The following USP6NL variants were observed in gnomAD, a reference collection of about 807,000 sequenced individuals.
USP6NL encodes USP6 N-terminal-like protein.
Under a neutral mutation model 61.9 loss-of-function variants are expected in USP6NL, and 26 were observed. That is an observed-to-expected ratio of 0.42 (90% confidence interval 0.31 to 0.58). The LOEUF (loss-of-function observed/expected upper bound fraction) is 0.58. Ranked by LOEUF, USP6NL falls within the 20% of genes least tolerant of loss-of-function variation. The probability of loss-of-function intolerance (pLI) is 0.16; values close to 1 mark genes in which losing one functional copy is unlikely to be tolerated. For synonymous variants in USP6NL, 432 were observed against 390.1 expected, an observed-to-expected ratio of 1.11 and a Z score of -1.27; for missense variants, 1,114 against 1,034.3, an observed-to-expected ratio of 1.08 and a Z score of -1.06.
Position 11,468,602 on chromosome 10 carries a change from A to G in USP6NL, c.1079-4753T>C, listed in dbSNP as rs1001433682. On this transcript the variant is annotated intron_variant, in intron 14 of 14. Transcript: ENST00000609104. The surrounding 1 kb of genome is among the most constrained non-coding windows in gnomAD (Gnocchi z 4.5). ...CAGCAGCAAGATGGTTTCATAAAAC[A>G]CCAGTGTGGTGCAGGAAACAATAAA... 2.6e-5 allele frequency among the ~76,000 whole-genome samples: 4 copies of G among 152,218 alleles called. No individual in the cohort carries two copies. The highest frequency in any genetic ancestry group is 5.9e-5 in the Non-Finnish European group (4 of 68,044).
rs1315522148 is a variant in USP6NL at position 11,463,732 on chromosome 10, G to A, written c.1196C>T (p.Ala399Val). The change falls in exon 15 of 15, where the codon GCC becomes GTC. Residue 399 changes from alanine to valine, a missense_variant. Physicochemically the swap from Ala to Val is moderately conservative, Grantham distance 64 (BLOSUM62 0). Coordinates refer to ENST00000609104, the MANE Select transcript of USP6NL (RefSeq NM_014688.5). The surrounding 1 kb of genome is among the most constrained non-coding windows in gnomAD (Gnocchi z 6.3). ...QRSVGRPSPL[A>V]SGRRESGAPH... ...CGCCCCGCTCTCCCTCCTGCCGCTG[G>A]CCAGCGGGCTCGGCCGGCCCACGCT... 1.2e-6 allele frequency: 2 copies of A among 1,606,436 alleles called. No homozygotes were observed. Among genetic ancestry groups the A allele is most frequent in the Admixed American group, 1.7e-5 (1 of 59,182 alleles).
rs1838003668 is a variant in USP6NL, at chr10:11,587,218, T to C, written c.4+10413A>G. Among the ~76,000 whole-genome samples, 1 of 152,216 alleles carries C rather than the reference T, an allele frequency of 6.6e-6. No homozygotes were observed. Among genetic ancestry groups the C allele is most frequent in the Non-Finnish European group, 1.5e-5 (1 of 68,034 alleles). ...GTTTATACTAAAATTAAAACAATTA[T>C]TATTTATTCAAAATTACAATTCTCT... On this transcript the variant is annotated intron_variant, in intron 2 of 14. Coordinates refer to ENST00000609104, the MANE Select transcript of USP6NL (RefSeq NM_014688.5). This position sits in a 1 kb window ranked among gnomAD's most constrained non-coding sequence, Gnocchi z 4.5.
At chr10:11,542,844 C>A (rs1168840211) in intron 2 of USP6NL, among the ~76,000 whole-genome samples, 1 of 152,192 alleles carries the variant, frequency 6.6e-6, no homozygotes, top group East Asian at 1.9e-4. Flanking sequence ...TGAACAGCAG[C>A]AGCTGCGTCG....
At chr10:11,472,379 C>A (rs1006664678) in intron 14 of USP6NL, among the ~76,000 whole-genome samples, 2 of 152,224 alleles carry the variant, frequency 1.3e-5, no homozygotes, top group African/African-American at 2.4e-5. Context: ...CATCAACGGC[C>A]TCTGAGGCCT....
At chr10:11,512,791 T>C (rs1834779332) in intron 5 of USP6NL, among the ~76,000 whole-genome samples, 1 of 152,218 alleles carries the variant, frequency 6.6e-6, no homozygotes, top group South Asian at 2.1e-4. Flanking sequence ...GCCTGGAACC[T>C]TTCCCAGATC....
At chr10:11,583,176 T>C (rs7917332) in intron 2 of USP6NL, among the ~76,000 whole-genome samples, 34,484 of 149,774 alleles carry the variant, frequency 0.23, 4,566 homozygotes, top group East Asian at 0.58. Flanking sequence ...CATATTATTA[T>C]GTTTTCAATT....
intron 14 of USP6NL, among the ~76,000 whole-genome samples, chr10:11,464,194 C>T (rs776604888): frequency 6.6e-6 from 1 of 152,142 alleles, no homozygotes; most frequent in Admixed American, 6.5e-5. Context: ...TTGAAGAGTG[C>T]GGCAAGGAAT....
In USP6NL at chr10:11,470,018, A is replaced by G. The variant is rs973404471; in HGVS notation, c.1079-6169T>C. Among the ~76,000 whole-genome samples the G allele has an allele frequency of 1.3e-5, 2 of 152,244 alleles. No homozygotes were observed. Among genetic ancestry groups the G allele is most frequent in the African/African-American group, 4.8e-5 (2 of 41,466 alleles). Reference sequence around the variant, plus strand: ...TCAGAAATTCCACAATGAGCAGTGTATATACAGCTTACGTTTCCAGGGAGG... The same window carrying G: ...TCAGAAATTCCACAATGAGCAGTGTGTATACAGCTTACGTTTCCAGGGAGG... On this transcript the variant is annotated intron_variant, in intron 14 of 14. Coordinates refer to ENST00000609104, the MANE Select transcript of USP6NL (RefSeq NM_014688.5). This position sits in a 1 kb window ranked among gnomAD's most constrained non-coding sequence, Gnocchi z 5.4.
In USP6NL at chr10:11,513,591, T is replaced by C. The variant is rs1834819262; in HGVS notation, c.196-3916A>G. ...ACCTTTTGCTAGATTTCATTTATAC[T>C]ATTTAGGTTTTTAGGGGGAACTGAT... On this transcript the variant is annotated intron_variant, in intron 5 of 14. Coordinates refer to ENST00000609104, the MANE Select transcript of USP6NL (RefSeq NM_014688.5). This position sits in a 1 kb window ranked among gnomAD's most constrained non-coding sequence, Gnocchi z 4.7. Among the ~76,000 whole-genome samples the C allele has an allele frequency of 6.6e-6, 1 of 152,242 alleles. No individual in the cohort carries two copies. Among genetic ancestry groups the C allele is most frequent in the Non-Finnish European group, 1.5e-5 (1 of 68,042 alleles).
intron 2 of USP6NL, among the ~76,000 whole-genome samples, chr10:11,550,158 T>C (rs1246993753): frequency 1.3e-5 from 2 of 152,144 alleles, no homozygotes; most frequent in African/African-American, 4.8e-5. Context: ...CGAACATATA[T>C]GAAAGTGTAA....
At position 11,485,942 on chromosome 10, in the gene USP6NL, T is replaced by A. The variant is rs754062525; in HGVS notation, c.665-31A>T. On this transcript the variant is annotated intron_variant, in intron 10 of 14. Coordinates refer to ENST00000609104, the MANE Select transcript of USP6NL (RefSeq NM_014688.5). The surrounding 1 kb of genome is among the most constrained non-coding windows in gnomAD (Gnocchi z 4.8). Reference sequence around the variant, plus strand: ...ATACAAACATAAAAACAACATTTCATAAACAATACCAACAAAACCCTCCAA... The same window carrying A: ...ATACAAACATAAAAACAACATTTCAAAAACAATACCAACAAAACCCTCCAA... The A allele has an allele frequency of 7.1e-7, 1 of 1,416,840 alleles. No individual in the cohort carries two copies. Among genetic ancestry groups the A allele is most frequent in the Non-Finnish European group, 9.6e-7 (1 of 1,042,620 alleles). The allele number at this position is 1,416,840 out of a possible 1,614,324, so 87.8% of individuals were successfully genotyped here. A position where few individuals can be genotyped will look rare whatever the true frequency, so the allele number is the denominator to read the frequency against.
intron 2 of USP6NL, among the ~76,000 whole-genome samples, chr10:11,594,358 C>G (rs10508426): frequency 0.1 from 15,896 of 152,280 alleles, 1,326 homozygotes; most frequent in East Asian, 0.43. Context: ...AGGGTGAATA[C>G]TGCCTGTGTA....
chr10:11,475,236 A>G (rs1376794093), intron 14 of USP6NL, among the ~76,000 whole-genome samples: 3 of 151,520 alleles, frequency 2.0e-5, no homozygotes, highest in African/African-American at 7.3e-5. Flanking sequence ...GTAACCAAAG[A>G]GTTACATTTA....
At chr10:11,479,676 T>C (rs1264039190) in intron 14 of USP6NL, among the ~76,000 whole-genome samples, 1 of 151,218 alleles carries the variant, frequency 6.6e-6, no homozygotes, top group African/African-American at 2.4e-5. Context: ...CCCGGGTTCA[T>C]GCCATTCTCC....
At chr10:11,543,240 T>G (rs1312855501) in intron 2 of USP6NL, among the ~76,000 whole-genome samples, 1 of 152,094 alleles carries the variant, frequency 6.6e-6, no homozygotes, top group Non-Finnish European at 1.5e-5. Flanking sequence ...TCTTCAATAT[T>G]AAGAAACATC....
At chr10:11,498,116 A>G (rs1834021837) in intron 7 of USP6NL, among the ~76,000 whole-genome samples, 1 of 151,070 alleles carries the variant, frequency 6.6e-6, no homozygotes, top group African/African-American at 2.4e-5. Context: ...GGGCACCTGT[A>G]ATCCCAGCTA....
rs965535689 is a variant in USP6NL at position 11,561,142 on chromosome 10, G to A, written c.5-33575C>T. On this transcript the variant is annotated intron_variant, in intron 2 of 14. Transcript: ENST00000609104. This position sits in a 1 kb window ranked among gnomAD's most constrained non-coding sequence, Gnocchi z 4.1. ...GGACGGTAAAATTACATTTTAAGTA[G>A]TTTCATCCAGAATAGCTAAAATATG... Among the ~76,000 whole-genome samples, 4 of 152,146 alleles carry A rather than the reference G, an allele frequency of 2.6e-5. No homozygotes were observed. The highest frequency in any genetic ancestry group is 9.7e-5 in the African/African-American group (4 of 41,424).
In USP6NL at chr10:11,499,110, T is replaced by G. The variant is rs1410653025; in HGVS notation, c.384+1991A>C. ...TAATTTCACCCATCTGAGAAAAGTC[T>G]CGGCAGATTAAGAGAAGGTTGTAGT... On this transcript the variant is annotated intron_variant, in intron 7 of 14. Transcript: ENST00000609104. This position sits in a 1 kb window ranked among gnomAD's most constrained non-coding sequence, Gnocchi z 4.5. Among the ~76,000 whole-genome samples, 1 of 152,156 alleles carries G rather than the reference T, an allele frequency of 6.6e-6. No homozygotes were observed. Among genetic ancestry groups the G allele is most frequent in the Non-Finnish European group, 1.5e-5 (1 of 68,038 alleles).
At chr10:11,549,781 A>G (rs942161753) in intron 2 of USP6NL, among the ~76,000 whole-genome samples, 1 of 152,220 alleles carries the variant, frequency 6.6e-6, no homozygotes, top group Non-Finnish European at 1.5e-5. Flanking sequence ...AATTCTAGGA[A>G]GTTACCATCT....
Sources: gnomAD v4.1 joint callset for allele counts (sites outside exome capture counted in the v4.1 genomes callset) on GRCh38, gnomAD v4.1.1 for gene constraint, Gnocchi (gnomAD v3.1) non-coding constraint, MANE v1.5 for transcripts, NCBI Gene and HGNC (gene_info 2026-07-23, HGNC 2026-07-21) for gene names.